Variants in GOLGB1 observed in about 807,000 individuals in gnomAD.
GOLGB1 encodes the protein golgin subfamily B member 1.
In GOLGB1, 174 loss-of-function variants were observed where a neutral mutation model predicts 336.9. That is an observed-to-expected ratio of 0.52 (90% CI 0.46 to 0.59). GOLGB1 has a LOEUF of 0.59. Among genes scored for constraint, GOLGB1 ranks in the 20% least tolerant of loss-of-function variants. GOLGB1 has a pLI of 0.00. For synonymous variants in GOLGB1, 1,208 were observed against 1,289.2 expected, an observed-to-expected ratio of 0.94 and a Z score of 1.35; for missense variants, 3,331 against 3,645.3, an observed-to-expected ratio of 0.91 and a Z score of 2.22.
intron 6 of GOLGB1, 117 bp downstream of exon 6, chr3:121,722,145 C>T: frequency 3.0e-6 from 2 of 657,698 alleles, no homozygotes; most frequent in Non-Finnish European, 5.6e-6. Flanking sequence ...TAGTGCAACA[C>T]CCATGCTACT....
chr3:121,704,913 C>T (rs1221884470), intron 10 of GOLGB1, among the ~76,000 whole-genome samples: 1 of 151,308 alleles, frequency 6.6e-6, no homozygotes, highest in Non-Finnish European at 1.5e-5. Context: ...AATTTTTTCA[C>T]AGACAGACCT....
intron 10 of GOLGB1, among the ~76,000 whole-genome samples, chr3:121,702,906 C>G (rs1400932192): frequency 6.6e-6 from 1 of 152,090 alleles, no homozygotes; most frequent in Non-Finnish European, 1.5e-5. Context: ...GGTTCACAAA[C>G]AAATAGTATT....
intron 1 of GOLGB1, among the ~76,000 whole-genome samples, chr3:121,742,603 C>G (rs1169525996): frequency 6.6e-6 from 1 of 152,046 alleles, no homozygotes; most frequent in African/African-American, 2.4e-5. Flanking sequence ...GCAAAAAAAG[C>G]CAAAATAGAC....
At chr3:121,711,169 G>A (rs920993516) in intron 10 of GOLGB1, among the ~76,000 whole-genome samples, 3 of 151,974 alleles carry the variant, frequency 2.0e-5, no homozygotes, top group African/African-American at 7.3e-5. Context: ...ACTCCAGCAT[G>A]GGCAACAGTG....
intron 9 of GOLGB1, 32 bp from the exon 10 acceptor site, chr3:121,715,008 T>C: frequency 2.6e-6 from 3 of 1,160,922 alleles, no homozygotes; most frequent in Non-Finnish European, 3.9e-6. Flanking sequence ...AATGTAATAT[T>C]TGCTTCAAGT....
At chr3:121,700,023 T>C in intron 11 of GOLGB1, 138 bp from the exon 12 acceptor site, 1 of 572,750 alleles carries the variant, frequency 1.7e-6, no homozygotes, top group Non-Finnish European at 3.1e-6. Flanking sequence ...GGTGAAAGCC[T>C]TATTAAAGAA....
chr3:121,727,846 T>C (rs948559744), intron 4 of GOLGB1, among the ~76,000 whole-genome samples: 5 of 152,182 alleles, frequency 3.3e-5, no homozygotes, highest in Admixed American at 1.3e-4. Context: ...TCTTCAACTA[T>C]ACTTTCCACA....
intron 15 of GOLGB1, 58 bp downstream of exon 15, chr3:121,681,629 A>T: frequency 8.2e-7 from 1 of 1,222,646 alleles, no homozygotes; most frequent in Non-Finnish European, 1.2e-6. Flanking sequence ...ATCTACAATT[A>T]TTTCAAAATA....
intron 6 of GOLGB1, among the ~76,000 whole-genome samples, chr3:121,721,643 T>C (rs969645330): frequency 7.3e-5 from 11 of 151,710 alleles, no homozygotes; most frequent in African/African-American, 2.7e-4. Flanking sequence ...CAAAAATAAA[T>C]ATGTGGGAGT....
chr3:121,699,659 TATA>T (rs1393208917), intron 12 of GOLGB1, among the ~76,000 whole-genome samples, 150 bp downstream of exon 12: 2 of 152,174 alleles, frequency 1.3e-5, no homozygotes, highest in Non-Finnish European at 2.9e-5. Context: ...ATAAATGAGA[TATA>T]ATAACCATTA....
intron 14 of GOLGB1, among the ~76,000 whole-genome samples, chr3:121,688,718 C>T (rs948499928): frequency 1.3e-5 from 2 of 151,682 alleles, no homozygotes; most frequent in Admixed American, 6.6e-5. Context: ...TCTGCCCGGC[C>T]GCCATCCCAT....
Position 121,698,903 on chromosome 3 carries a change from C to T in GOLGB1, c.1620G>A (p.Lys540=). The part of the protein sequence containing the change: ...SEISIVDIAN[K]RSSSAEESGQ... The stretch of plus-strand genomic sequence containing the variant: ...CACTTTCCTCAGCAGAAGAGCTCCT[C>T]TTGTTGGCAATATCAACAATGCTGA... The change falls in exon 13 of 22, where the codon AAG becomes AAA. Residue 540 remains lysine (K), a synonymous_variant. Transcript: ENST00000614479. 6.3e-7 allele frequency: 1 copy of T among 1,580,618 alleles called. No homozygotes were observed. Among genetic ancestry groups the T allele is most frequent in the Non-Finnish European group, 8.6e-7 (1 of 1,165,818 alleles).
At chr3:121,686,321 G>A (rs1309416373) in intron 14 of GOLGB1, among the ~76,000 whole-genome samples, 1 of 152,130 alleles carries the variant, frequency 6.6e-6, no homozygotes, top group Admixed American at 6.5e-5. Flanking sequence ...AAACCTCAGA[G>A]CAAACTATGG....
chr3:121,696,622 T>C lies in GOLGB1; in HGVS notation c.3901A>G (p.Ser1301Gly). ...PDWPSHSEDASALQGGTSVAQ... is the reference protein window; with the variant it reads ...PDWPSHSEDAGALQGGTSVAQ... ...ACAGAAGTTCCGCCCTGCAGAGCAC[T>C]CGCATCTTCAGAATGAGAAGGCCAG... Residue 1301 changes from serine (S) to glycine (G), a missense_variant, in exon 13 of 22, where the codon AGT (serine) becomes GGT (glycine). Physicochemically the swap from Ser to Gly is moderately conservative, Grantham distance 56. Coordinates refer to ENST00000614479, the MANE Select transcript of GOLGB1 (RefSeq NM_001366282.2). 6.2e-7 allele frequency: 1 copy of C among 1,614,180 alleles called. No homozygotes were observed. The highest frequency in any genetic ancestry group is 8.5e-7 in the Non-Finnish European group (1 of 1,180,020).
At chr3:121,667,636 G>T in intron 19 of GOLGB1, 26 bp from the exon 20 acceptor site, 1 of 1,609,166 alleles carries the variant, frequency 6.2e-7, no homozygotes, top group Admixed American at 1.7e-5. Context: ...AAAACAAAAA[G>T]CATCATCAGA....
chr3:121,727,321 T>TATATATA (rs1491103201), intron 4 of GOLGB1, among the ~76,000 whole-genome samples: 7 of 29,014 alleles, frequency 2.4e-4, no homozygotes, highest in South Asian at 1.6e-3. Context: ...TATATATATA[T>TATATATA]TTTTTTTTTT....
chr3:121,699,020 A>T (rs894801624), intron 12 of GOLGB1, 91 bp from the exon 13 acceptor site: 43 of 983,090 alleles, frequency 4.4e-5, no homozygotes, highest in South Asian at 1.6e-4. Context: ...TCATCTTCTA[A>T]AACTTCAGAC....
chr3:121,674,332 T>C (rs942251926), intron 17 of GOLGB1, among the ~76,000 whole-genome samples: 1 of 152,170 alleles, frequency 6.6e-6, no homozygotes, highest in Non-Finnish European at 1.5e-5. Context: ...TTGTCTTATT[T>C]CAGATCTTAG....
At chr3:121,677,169 T>C in intron 16 of GOLGB1, 116 bp downstream of exon 16, 2 of 1,230,320 alleles carry the variant, frequency 1.6e-6, no homozygotes, top group Non-Finnish European at 2.3e-6. Flanking sequence ...GGCACTTAAT[T>C]TGTAGGAAGC....
Sources: allele counts gnomAD v4.1 joint callset (sites outside exome capture counted in the v4.1 genomes callset), GRCh38; gene constraint gnomAD v4.1.1; transcripts MANE v1.5; gene names NCBI Gene and HGNC (gene_info 2026-07-23, HGNC 2026-07-21).